Variants in TSTD2 observed in about 807,000 individuals in gnomAD.
The protein encoded by TSTD2 is thiosulfate sulfurtransferase like domain containing 2, also known as thiosulfate sulfurtransferase/rhodanese-like domain-containing protein 2.
Under a neutral mutation model 47.9 loss-of-function variants are expected in TSTD2, and 37 were observed. That is an observed-to-expected ratio of 0.77 (90% CI 0.59 to 1.02). The LOEUF (loss-of-function observed/expected upper bound fraction) is 1.02. TSTD2 is among the 50% of genes least tolerant of loss of function. TSTD2 has a pLI of 0.00. For synonymous variants in TSTD2, 201 were observed against 215.9 expected (o/e 0.93, Z 0.61); for missense variants, 586 against 616.0 (o/e 0.95, Z 0.52).
intron 8 of TSTD2, among the ~76,000 whole-genome samples, chr9:97,605,194 C>G (rs1826344410): frequency 6.6e-6 from 1 of 152,192 alleles, no homozygotes. Flanking sequence ...ACTGAATTTG[C>G]TCTTCTCAGG....
intron 4 of TSTD2, among the ~76,000 whole-genome samples, chr9:97,613,827 C>CTTT (rs755229835): frequency 1.2e-4 from 15 of 123,062 alleles, no homozygotes; most frequent in Non-Finnish European, 1.7e-4. Flanking sequence ...TTGATCAATT[C>CTTT]TTTTTTTTTT....
intron 4 of TSTD2, among the ~76,000 whole-genome samples, chr9:97,614,767 G>A (rs557234884): frequency 6.6e-6 from 1 of 152,174 alleles, no homozygotes; most frequent in East Asian, 1.9e-4. Flanking sequence ...ACACCTCTAC[G>A]TATAGTACTG....
intron 3 of TSTD2, among the ~76,000 whole-genome samples, chr9:97,625,297 A>G (rs1587983709): frequency 6.6e-6 from 1 of 152,336 alleles, no homozygotes; most frequent in East Asian, 1.9e-4. Context: ...ATATTCTTAC[A>G]TGACTATACC....
chr9:97,631,194 G>A (rs1360068520), intron 1 of TSTD2, among the ~76,000 whole-genome samples: 2 of 152,030 alleles, frequency 1.3e-5, no homozygotes, highest in Admixed American at 6.6e-5. Flanking sequence ...TCGGCTCACT[G>A]CAACCTCCGC....
chr9:97,627,916 T>A (rs1826748623), intron 1 of TSTD2, among the ~76,000 whole-genome samples: 2 of 152,158 alleles, frequency 1.3e-5, no homozygotes, highest in South Asian at 4.1e-4. Flanking sequence ...GTGTAAAGGT[T>A]ATGAAGAATA....
intron 4 of TSTD2, among the ~76,000 whole-genome samples, chr9:97,613,897 C>T (rs537541108): frequency 2.6e-4 from 39 of 149,442 alleles, no homozygotes; most frequent in African/African-American, 8.2e-4. Flanking sequence ...GGTGCAATCT[C>T]GGCTCACTGC....
At position 97,602,516 on chromosome 9, in the gene TSTD2, G is replaced by A. The variant is rs765851824; in HGVS notation, c.1504C>T (p.Pro502Ser). 6.2e-7 allele frequency: 1 copy of A among 1,613,898 alleles called. No individual in the cohort carries two copies. The highest frequency in any genetic ancestry group is 8.5e-7 in the Non-Finnish European group (1 of 1,179,854). The change falls in exon 10 of 10, where the codon CCA becomes TCA. Residue 502 changes from proline to serine, a missense_variant. Transcript: ENST00000341170. ...TCATCAGCATCAGGCCCTGGCTCTG[G>A]GCTCACAGGCTGTCGCACATGCTGC... ...LLQHVRQPVS[P>S]EPGPDADEDG...
intron 3 of TSTD2, among the ~76,000 whole-genome samples, chr9:97,623,153 A>G (rs909988966): frequency 3.9e-5 from 6 of 152,214 alleles, no homozygotes; most frequent in African/African-American, 1.4e-4. Flanking sequence ...GTGGGAGGTA[A>G]TTGAATCACG....
intron 9 of TSTD2, chr9:97,604,095 T>G (rs1826322733): frequency 6.6e-6 from 1 of 152,252 alleles, no homozygotes; most frequent in Non-Finnish European, 1.5e-5. Flanking sequence ...TAATATATAA[T>G]AAGACGTGCC....
chr9:97,626,065 T>C (rs1826715633), intron 2 of TSTD2, 68 bp from the exon 3 acceptor site: 2 of 1,424,720 alleles, frequency 1.4e-6, no homozygotes, highest in South Asian at 1.4e-5. Flanking sequence ...GAAGTCTCAC[T>C]AAGATTCTTT....
intron 6 of TSTD2, among the ~76,000 whole-genome samples, chr9:97,609,477 G>A (rs943741862): frequency 6.6e-6 from 1 of 152,134 alleles, no homozygotes; most frequent in Admixed American, 6.5e-5. Context: ...TAGGTTGAAA[G>A]ACACTTAAAG....
chr9:97,618,674 C>A (rs1334486399), intron 3 of TSTD2, among the ~76,000 whole-genome samples: 1 of 152,118 alleles, frequency 6.6e-6, no homozygotes, highest in African/African-American at 2.4e-5. Flanking sequence ...GTCTTTAATA[C>A]CCCTTTTTTC....
chr9:97,623,365 T>C (rs1826670364), intron 3 of TSTD2, among the ~76,000 whole-genome samples: 1 of 152,232 alleles, frequency 6.6e-6, no homozygotes, highest in Admixed American at 6.5e-5. Flanking sequence ...TAAACCTCTT[T>C]CTTTTGTAAA....
chr9:97,600,452 C>T lies in TSTD2; in HGVS notation c.*2017G>A, dbSNP rs912711140. 4 of 985,574 alleles carry T rather than the reference C, an allele frequency of 4.1e-6. No homozygotes were observed. The highest frequency in any genetic ancestry group is 4.8e-6 in the Non-Finnish European group (4 of 830,038). 61.1% of individuals were successfully genotyped at this position (985,574 alleles called of 1,614,324 possible). A position where few individuals can be genotyped will look rare whatever the true frequency, so the allele number is the denominator to read the frequency against. ...GTACAATTTAATACTGGAGTTAGAA[C>T]TTTTTCCTTATTGAATGCCAACCTT... is the stretch of plus-strand genomic sequence containing the variant. On this transcript the variant is annotated 3_prime_UTR_variant, in exon 10 of 10. Coordinates refer to ENST00000341170, the MANE Select transcript of TSTD2 (RefSeq NM_139246.5).
chr9:97,608,916 C>T (rs1826412350), intron 6 of TSTD2, among the ~76,000 whole-genome samples: 1 of 152,056 alleles, frequency 6.6e-6, no homozygotes, highest in South Asian at 2.1e-4. Context: ...AAAATGAACA[C>T]CATGGAGTCA....
intron 4 of TSTD2, among the ~76,000 whole-genome samples, chr9:97,617,505 G>T (rs570015612): frequency 1.3e-4 from 20 of 152,236 alleles, no homozygotes; most frequent in African/African-American, 4.6e-4. Flanking sequence ...AGTTTTTTGT[G>T]CAACACCTAA....
At chr9:97,611,059 T>C (rs1826449250) in intron 5 of TSTD2, 1 of 153,512 alleles carries the variant, frequency 6.5e-6, no homozygotes, top group Non-Finnish European at 1.5e-5. Context: ...TGGTCCAAAA[T>C]CATATGGTGA....
intron 4 of TSTD2, among the ~76,000 whole-genome samples, chr9:97,616,191 G>C (rs1016542846): frequency 1.3e-5 from 2 of 152,162 alleles, no homozygotes; most frequent in Admixed American, 1.3e-4. Flanking sequence ...GGCCCAAGGA[G>C]AGAAAAGAAC....
chr9:97,622,473 T>C (rs1826655482), intron 3 of TSTD2, among the ~76,000 whole-genome samples: 1 of 152,216 alleles, frequency 6.6e-6, no homozygotes, highest in African/African-American at 2.4e-5. Context: ...AAGGGAAATG[T>C]GGGGTCAGAG....
Sources: allele counts gnomAD v4.1 joint callset (sites outside exome capture counted in the v4.1 genomes callset), GRCh38; gene constraint gnomAD v4.1.1; transcripts MANE v1.5; gene names NCBI Gene and HGNC (gene_info 2026-07-23, HGNC 2026-07-21).